The following PIGN variants were observed in gnomAD, a reference collection of about 807,000 sequenced individuals.
PIGN encodes the protein phosphatidylinositol glycan anchor biosynthesis class N, also known as GPI ethanolamine phosphate transferase 1.
In PIGN, 117 loss-of-function variants were observed where a neutral mutation model predicts 125.4. The observed-to-expected ratio is 0.93, with a 90% CI of 0.80 to 1.09. The LOEUF is 1.09. Ranked by LOEUF, PIGN falls within the 50% of genes least tolerant of loss-of-function variation. The probability of loss-of-function intolerance (pLI) is 0.00; values close to 1 mark genes in which losing one functional copy is unlikely to be tolerated. For missense variants in PIGN, 1,075 were observed against 1,094.9 expected (o/e 0.98, Z 0.26); for synonymous variants, 392 against 377.8 (o/e 1.04, Z -0.44).
rs561813720 is a variant in PIGN, at chr18:62,097,824, C to T, written c.2078-1874G>A. ...CATGAGAGATGTATCGACTCTCCCC[C>T]GGGATAATAAAAGCAACTACCCAAG... On this transcript the variant is annotated intron_variant, in intron 22 of 30. Transcript: ENST00000640252. Among the ~76,000 whole-genome samples the T allele has an allele frequency of 2.6e-5, 4 of 152,098 alleles. No homozygotes were observed. The East Asian group carries it at 5.8e-4, about 22-fold the overall frequency.
intron 22 of PIGN, among the ~76,000 whole-genome samples, chr18:62,096,601 T>C (rs553602305): frequency 2.4e-5 from 3 of 125,626 alleles, no homozygotes; most frequent in Non-Finnish European, 1.6e-5. Context: ...TACATATGTA[T>C]ACATGTGCCA....
chr18:62,116,739 A>G (rs1163561484), intron 14 of PIGN, among the ~76,000 whole-genome samples: 1 of 152,234 alleles, frequency 6.6e-6, no homozygotes, highest in Non-Finnish European at 1.5e-5. Context: ...AGCACATAAA[A>G]TGAATCAATA....
At position 62,139,092 on chromosome 18, in the gene PIGN, C is replaced by T; in HGVS notation, c.1024-17G>A. 5 of 1,484,588 alleles carry T rather than the reference C, an allele frequency of 3.4e-6. No homozygotes were observed. The highest frequency in any genetic ancestry group is 1.4e-5 in the African/African-American group (1 of 72,618). 92.0% of individuals were successfully genotyped at this position (1,484,588 alleles called of 1,614,324 possible). ...AAGGATTCCCTGAAAATAACAAACACCAGCTTATTGATAGTATTCAGACAG... is the reference window on the plus strand; with the variant it reads ...AAGGATTCCCTGAAAATAACAAACATCAGCTTATTGATAGTATTCAGACAG... On this transcript the variant is annotated splice_polypyrimidine_tract_variant and intron_variant, in intron 12 of 30. Transcript: ENST00000640252.
intron 17 of PIGN, among the ~76,000 whole-genome samples, chr18:62,107,923 C>T (rs75251043): frequency 2.0e-4 from 30 of 152,208 alleles, no homozygotes; most frequent in African/African-American, 6.0e-4. Flanking sequence ...TAACGGTAAT[C>T]AAGTGAACTC....
At chr18:62,023,237 C>A (rs1478612735) in intron 23 of PIGN, among the ~76,000 whole-genome samples, 1 of 152,128 alleles carries the variant, frequency 6.6e-6, no homozygotes, top group African/African-American at 2.4e-5. Context: ...ACTCCTTATT[C>A]CCCACTTCCA....
At chr18:62,114,455 G>T in intron 15 of PIGN, 106 bp downstream of exon 15, 1 of 689,652 alleles carries the variant, frequency 1.5e-6, no homozygotes, top group Non-Finnish European at 2.6e-6. Context: ...ATCCTTCCTT[G>T]AGGGCTCAAG....
intron 22 of PIGN, among the ~76,000 whole-genome samples, chr18:62,100,070 A>G (rs1006249520): frequency 7.2e-5 from 11 of 152,228 alleles, no homozygotes; most frequent in Admixed American, 5.9e-4. Context: ...TACCCATCTG[A>G]CAAGGAATTA....
intron 23 of PIGN, among the ~76,000 whole-genome samples, chr18:62,093,575 C>T (rs1231377940): frequency 6.6e-6 from 1 of 152,074 alleles, no homozygotes; most frequent in African/African-American, 2.4e-5. Flanking sequence ...GTTTAACCAA[C>T]TTTAACCAAG....
chr18:62,160,138 CAG>C (rs2036894342), intron 4 of PIGN, among the ~76,000 whole-genome samples: 1 of 151,950 alleles, frequency 6.6e-6, no homozygotes, highest in Admixed American at 6.6e-5. Context: ...AAAAAGAAAA[CAG>C]AGTAAAATGA....
Position 62,161,390 on chromosome 18 carries a change from AAGAG to A in PIGN, c.-32-9_-32-6del. The A allele has an allele frequency of 7.2e-7, 1 of 1,389,802 alleles. No individual in the cohort carries two copies. The highest frequency in any genetic ancestry group is 1.0e-6 in the Non-Finnish European group (1 of 991,676). 86.1% of individuals were successfully genotyped at this position (1,389,802 alleles called of 1,614,324 possible). A position where few individuals can be genotyped will look rare whatever the true frequency, so the allele number is the denominator to read the frequency against. ...CTAATTAGTCTTCAAGAACAGCTGAAAGAGAGAACAAAATTAAATTGGGGTAAAT... is the reference window on the plus strand; with the variant it reads ...CTAATTAGTCTTCAAGAACAGCTGAAAGAACAAAATTAAATTGGGGTAAAT... On this transcript the variant is annotated splice_polypyrimidine_tract_variant and splice_region_variant and intron_variant, in intron 3 of 30. Transcript: ENST00000640252.
intron 1 of PIGN, among the ~76,000 whole-genome samples, chr18:62,171,134 A>G (rs1176955356): frequency 6.6e-6 from 1 of 152,204 alleles, no homozygotes; most frequent in Non-Finnish European, 1.5e-5. Flanking sequence ...GGAATACAGT[A>G]TAACTCTCCA....
chr18:62,116,853 AAAAG>A (rs1390405974), intron 14 of PIGN, among the ~76,000 whole-genome samples: 1 of 152,152 alleles, frequency 6.6e-6, no homozygotes, highest in Non-Finnish European at 1.5e-5. Flanking sequence ...ATTTAAAATA[AAAAG>A]AAAGGAAAAA....
chr18:62,184,602 T>C (rs2037831663), intron 1 of PIGN: 2 of 152,172 alleles, frequency 1.3e-5, no homozygotes, highest in Non-Finnish European at 2.9e-5. Flanking sequence ...GAGGCAGAAA[T>C]AGAAGCAGAA....
chr18:62,020,692 G>A (rs975653074), intron 23 of PIGN, among the ~76,000 whole-genome samples: 3 of 151,936 alleles, frequency 2.0e-5, no homozygotes, highest in African/African-American at 7.3e-5. Flanking sequence ...GCTCATGCCT[G>A]TAATCCCAGC....
intron 1 of PIGN, among the ~76,000 whole-genome samples, chr18:62,176,030 G>A (rs2037514117): frequency 6.6e-6 from 1 of 152,198 alleles, no homozygotes; most frequent in Admixed American, 6.5e-5. Flanking sequence ...GGTAAGAAAT[G>A]AACAAGAAGT....
At chr18:62,141,031 A>AC (rs1361171259) in intron 11 of PIGN, among the ~76,000 whole-genome samples, 1 of 152,024 alleles carries the variant, frequency 6.6e-6, no homozygotes, top group African/African-American at 2.4e-5. Flanking sequence ...TCGCTTCCTC[A>AC]CCTTCCCATC....
At chr18:62,048,708 T>TA (rs2030956888) in intron 30 of PIGN, among the ~76,000 whole-genome samples, 3 of 129,306 alleles carry the variant, frequency 2.3e-5, no homozygotes, top group East Asian at 2.4e-4. Flanking sequence ...TTTTTTTTTT[T>TA]ATTATTATTA....
intron 15 of PIGN, among the ~76,000 whole-genome samples, chr18:62,113,659 T>C (rs2034970561): frequency 6.6e-6 from 1 of 152,162 alleles, no homozygotes; most frequent in Non-Finnish European, 1.5e-5. Flanking sequence ...AATGGCCATA[T>C]TTATATTTTT....
chr18:62,186,561 C>T (rs962613638), intron 1 of PIGN, among the ~76,000 whole-genome samples: 1 of 152,216 alleles, frequency 6.6e-6, no homozygotes, highest in African/African-American at 2.4e-5. Context: ...CGTTTAGTCT[C>T]TCCAGCCCCC....
Sources: gnomAD v4.1 joint callset for allele counts (sites outside exome capture counted in the v4.1 genomes callset) on GRCh38, gnomAD v4.1.1 for gene constraint, MANE v1.5 for transcripts, NCBI Gene and HGNC (gene_info 2026-07-23, HGNC 2026-07-21) for gene names.